KCNQ1: variants seen among roughly 807,000 people sequenced by gnomAD.
KCNQ1 encodes potassium voltage-gated channel subfamily KQT member 1.
In KCNQ1, 49 loss-of-function variants were observed where a neutral mutation model predicts 72.4. The ratio of observed to expected loss-of-function variants is 0.68; its 90% CI spans 0.54 to 0.86. The LOEUF (loss-of-function observed/expected upper bound fraction) is 0.86. Among genes scored for constraint, KCNQ1 ranks in the 40% least tolerant of loss-of-function variants. KCNQ1 has a pLI of 0.00. For synonymous variants in KCNQ1, 450 were observed against 412.6 expected, an observed-to-expected ratio of 1.09 and a Z score of -1.10; for missense variants, 790 against 945.1, an observed-to-expected ratio of 0.84 and a Z score of 2.15.
At position 2,550,484 on chromosome 11, in the gene KCNQ1, G is replaced by A; in HGVS notation, c.478-20144G>A. 6.6e-6 allele frequency among the ~76,000 whole-genome samples: 1 copy of A among 152,204 alleles called. No individual in the cohort carries two copies. Among genetic ancestry groups the A allele is most frequent in the East Asian group, 1.9e-4 (1 of 5,194 alleles). On this transcript the variant is annotated intron_variant, in intron 2 of 15. Coordinates refer to ENST00000155840, the MANE Select transcript of KCNQ1 (RefSeq NM_000218.3). The surrounding 1 kb of genome is among the most constrained non-coding windows in gnomAD (Gnocchi z 6.0). ...GGCAGCTCCATGCGCGGGCCCCGGAGCTGGAAAGCAGCCAAGGGCACTGCC... is the reference window on the plus strand; with the variant it reads ...GGCAGCTCCATGCGCGGGCCCCGGAACTGGAAAGCAGCCAAGGGCACTGCC...
chr11:2,468,530 C>A lies in KCNQ1; in HGVS notation c.386+23046C>A, dbSNP rs534555339. Reference sequence around the variant, plus strand: ...TCCATGAGTCCTGACATTTGGAGGCCCTGTGAAGCCAGCATCAGCAGAGTG... The same window carrying A: ...TCCATGAGTCCTGACATTTGGAGGCACTGTGAAGCCAGCATCAGCAGAGTG... On this transcript the variant is annotated intron_variant, in intron 1 of 15. Transcript: ENST00000155840. The surrounding 1 kb of genome is among the most constrained non-coding windows in gnomAD (Gnocchi z 5.7). 1.4e-4 allele frequency among the ~76,000 whole-genome samples: 22 copies of A among 152,212 alleles called. No individual in the cohort carries two copies. The East Asian group carries it at 4.3e-3, about 29-fold the overall frequency.
intron 1 of KCNQ1, among the ~76,000 whole-genome samples, chr11:2,510,196 T>C (rs1179341676): frequency 6.6e-6 from 1 of 152,066 alleles, no homozygotes; most frequent in African/African-American, 2.4e-5. Context: ...GGAGCATCAC[T>C]TGAGCCCAGG....
intron 11 of KCNQ1, chr11:2,696,860 T>C: frequency 2.5e-6 from 1 of 398,624 alleles, no homozygotes; most frequent in Non-Finnish European, 4.4e-6. Flanking sequence ...TCAGTTGCTA[T>C]TGGCATAAAG....
chr11:2,471,959 CAT>C lies in KCNQ1; in HGVS notation c.386+26482_386+26483del, dbSNP rs200081755. On this transcript the variant is annotated intron_variant, in intron 1 of 15. Coordinates refer to ENST00000155840, the MANE Select transcript of KCNQ1 (RefSeq NM_000218.3). This position sits in a 1 kb window ranked among gnomAD's most constrained non-coding sequence, Gnocchi z 4.8. The stretch of plus-strand genomic sequence containing the variant: ...GTGTGCGCGTGTGTAGGTGTGTGTT[CAT>C]ATATATGGGTGTGTGTGCACCTATG... Among the ~76,000 whole-genome samples, 2,287 of 146,920 alleles carry C rather than the reference CAT, an allele frequency of 0.016. 33 individuals are homozygous for C. The highest frequency in any genetic ancestry group is 0.024 in the African/African-American group (958 of 39,410).
Position 2,445,289 on chromosome 11 carries a change from C to T in KCNQ1, c.191C>T (p.Pro64Leu). 1 of 1,357,100 alleles carries T rather than the reference C, an allele frequency of 7.4e-7. No individual in the cohort carries two copies. The highest frequency in any genetic ancestry group is 9.4e-7 in the Non-Finnish European group (1 of 1,059,406). The allele number at this position is 1,357,100 out of a possible 1,614,324, so 84.1% of individuals were successfully genotyped here. The change falls in exon 1 of 16, where the codon CCT (proline) becomes CTT (leucine). Residue 64 changes from proline to leucine, a missense_variant. Physicochemically the swap from Pro to Leu is moderately conservative, Grantham distance 98. Coordinates refer to ENST00000155840, the MANE Select transcript of KCNQ1 (RefSeq NM_000218.3). ...IAPGAPGPAP[P>L]ASPAAPAAPP... The stretch of plus-strand genomic sequence containing the variant: ...CCCGGCGCCCCAGGTCCCGCGCCCC[C>T]TGCGTCCCCGGCCGCGCCCGCCGCG...
rs1850187482 is a variant in KCNQ1, at chr11:2,671,759, A to G, written c.1514+9678A>G. The G allele has an allele frequency of 5.0e-6, 2 of 398,556 alleles. No individual in the cohort carries two copies. The highest frequency in any genetic ancestry group is 1.3e-4 in the South Asian group (1 of 7,860). The allele number at this position is 398,556 out of a possible 1,614,324, so 24.7% of individuals were successfully genotyped here. A position where few individuals can be genotyped will look rare whatever the true frequency, so the allele number is the denominator to read the frequency against. On this transcript the variant is annotated intron_variant, in intron 11 of 15. Transcript: ENST00000155840. The surrounding 1 kb of genome is among the most constrained non-coding windows in gnomAD (Gnocchi z 4.7). ...AGAACAAGGAGCTACATACACATAC[A>G]TGCATGCACATAATCATTCTGACCC...
intron 2 of KCNQ1, among the ~76,000 whole-genome samples, chr11:2,561,356 T>C (rs1032178695): frequency 1.3e-5 from 2 of 152,196 alleles, no homozygotes; most frequent in African/African-American, 4.8e-5. Context: ...GGGGCTCTTC[T>C]GTGCTGTGTG....
Position 2,549,357 on chromosome 11 carries a change from C to T in KCNQ1, c.478-21271C>T, listed in dbSNP as rs1316894369. On this transcript the variant is annotated intron_variant, in intron 2 of 15. Transcript: ENST00000155840. This position sits in a 1 kb window ranked among gnomAD's most constrained non-coding sequence, Gnocchi z 6.2. ...GGTCCAGGCACCTGGGGCGACCCTC[C>T]TTGGCCGTCCTTGCCATCCTCGCCA... Among the ~76,000 whole-genome samples, 1 of 152,010 alleles carries T rather than the reference C, an allele frequency of 6.6e-6. No homozygotes were observed.
chr11:2,810,451 T>G (rs1338676746), intron 15 of KCNQ1, among the ~76,000 whole-genome samples: 1 of 152,226 alleles, frequency 6.6e-6, no homozygotes, highest in Non-Finnish European at 1.5e-5. Context: ...TTCTTCCCCT[T>G]TTTTATGGCA....
chr11:2,636,142 T>G (rs1199003572), intron 10 of KCNQ1: 1 of 152,250 alleles, frequency 6.6e-6, no homozygotes, highest in Non-Finnish European at 1.5e-5. Context: ...AGGGACAATT[T>G]GACTTCCTCT....
chr11:2,569,034 C>T (rs896643424), intron 2 of KCNQ1, among the ~76,000 whole-genome samples: 30 of 152,030 alleles, frequency 2.0e-4, no homozygotes, highest in Admixed American at 3.9e-4. Context: ...ACAGGGCGTG[C>T]GCCACCATGC....
intron 10 of KCNQ1, chr11:2,644,127 A>G (rs74501871): frequency 0.083 from 33,074 of 398,424 alleles, 1,516 homozygotes; most frequent in Middle Eastern, 0.12. Context: ...CTATATTTGG[A>G]TCTAAATCTC....
rs962669049 is a variant in KCNQ1 at position 2,687,193 on chromosome 11, T to G, written c.1514+25112T>G. The G allele has an allele frequency of 2.0e-5, 8 of 398,636 alleles. No individual in the cohort carries two copies. Among genetic ancestry groups the G allele is most frequent in the African/African-American group, 1.6e-4 (8 of 48,750 alleles). 24.7% of individuals were successfully genotyped at this position (398,636 alleles called of 1,614,324 possible). A position where few individuals can be genotyped will look rare whatever the true frequency, so the allele number is the denominator to read the frequency against. On this transcript the variant is annotated intron_variant, in intron 11 of 15. Transcript: ENST00000155840. This position sits in a 1 kb window ranked among gnomAD's most constrained non-coding sequence, Gnocchi z 5.0. ...AAGTCTGCCAAAAGCCCAGGCTGGATAGGGAGCATCACACTGTTGGGAAAT... is the reference window on the plus strand; with the variant it reads ...AAGTCTGCCAAAAGCCCAGGCTGGAGAGGGAGCATCACACTGTTGGGAAAT...
chr11:2,665,105 T>A (rs935890747), intron 11 of KCNQ1: 2 of 398,304 alleles, frequency 5.0e-6, no homozygotes, highest in African/African-American at 2.1e-5. Context: ...AAGAGTGGCG[T>A]CGCTGCACCC....
At chr11:2,502,234 T>C (rs1847028271) in intron 1 of KCNQ1, among the ~76,000 whole-genome samples, 1 of 152,108 alleles carries the variant, frequency 6.6e-6, no homozygotes, top group Non-Finnish European at 1.5e-5. Context: ...GGCATCCAAG[T>C]TGGAAAGAAA....
intron 10 of KCNQ1, chr11:2,640,096 GC>G (rs1283000806): frequency 1.2e-5 from 3 of 260,712 alleles, no homozygotes; most frequent in Admixed American, 1.1e-4. Flanking sequence ...TTTTCCAGGT[GC>G]CGTCTGTCAC....
intron 15 of KCNQ1, among the ~76,000 whole-genome samples, chr11:2,806,416 G>A (rs1186318777): frequency 1.3e-5 from 2 of 152,200 alleles, no homozygotes; most frequent in East Asian, 1.9e-4. Context: ...GGGGCCACAT[G>A]GGCCACTGTG....
At position 2,464,430 on chromosome 11, in the gene KCNQ1, A is replaced by C. The variant is rs749463383; in HGVS notation, c.386+18946A>C. The stretch of plus-strand genomic sequence containing the variant: ...TGGAGTCCCTGGAGTGTCTTCTGGC[A>C]TCGCATGGATGAGAACTCTGAATGA... On this transcript the variant is annotated intron_variant, in intron 1 of 15. Transcript: ENST00000155840. The surrounding 1 kb of genome is among the most constrained non-coding windows in gnomAD (Gnocchi z 5.0). Among the ~76,000 whole-genome samples, 13 of 152,232 alleles carry C rather than the reference A, an allele frequency of 8.5e-5. No homozygotes were observed. Among genetic ancestry groups the C allele is most frequent in the Middle Eastern group, 3.2e-3 (1 of 316 alleles).
chr11:2,718,771 C>A (rs538091873), intron 11 of KCNQ1, among the ~76,000 whole-genome samples: 58 of 152,332 alleles, frequency 3.8e-4, no homozygotes, highest in African/African-American at 1.4e-3. Flanking sequence ...GCCCTGGACC[C>A]TGCTGTGCCA....
Sources: gnomAD v4.1 joint callset for allele counts (sites outside exome capture counted in the v4.1 genomes callset) on GRCh38, gnomAD v4.1.1 for gene constraint, Gnocchi (gnomAD v3.1) non-coding constraint, MANE v1.5 for transcripts, NCBI Gene and HGNC (gene_info 2026-07-23, HGNC 2026-07-21) for gene names.